The following STARD9 variants were observed in gnomAD, a reference collection of about 807,000 sequenced individuals.
The protein encoded by STARD9 is stAR-related lipid transfer protein 9.
In STARD9, 346 loss-of-function variants were observed where a neutral mutation model predicts 399.8. The ratio of observed to expected loss-of-function variants is 0.87; its 90% CI spans 0.79 to 0.95. STARD9 has a LOEUF of 0.95. STARD9 is among the 40% of genes least tolerant of loss of function. The probability of loss-of-function intolerance (pLI) is 0.00; values close to 1 mark genes in which losing one functional copy is unlikely to be tolerated. For synonymous variants in STARD9, 2,203 were observed against 2,143.5 expected (o/e 1.03, Z -0.77); for missense variants, 5,832 against 5,667.5 (o/e 1.03, Z -0.93).
At position 42,691,750 on chromosome 15, in the gene STARD9, A is replaced by T. The variant is rs964115416; in HGVS notation, c.10172A>T (p.Asp3391Val). 2 of 1,537,230 alleles carry T rather than the reference A, an allele frequency of 1.3e-6. No individual in the cohort carries two copies. The highest frequency in any genetic ancestry group is 2.7e-5 in the African/African-American group (2 of 73,138). The change falls in exon 23 of 33, where the codon GAT becomes GTT. Residue 3391 changes from aspartate to valine, a missense_variant. This residue lies in a region of STARD9 where 5,828 missense variants were observed against 5,651.1 expected (regional missense o/e 1.03). Transcript: ENST00000290607. ...DSNQKASSRL[D>V]DGTTDHRHLK... ...AATCAGAAAGCCTCATCTCGCTTGGATGATGGGACTACCGATCACAGGCAC... is the reference window on the plus strand; with the variant it reads ...AATCAGAAAGCCTCATCTCGCTTGGTTGATGGGACTACCGATCACAGGCAC...
intron 26 of STARD9, among the ~76,000 whole-genome samples, chr15:42,706,669 C>T (rs992250163): frequency 2.0e-5 from 3 of 152,080 alleles, no homozygotes; most frequent in Non-Finnish European, 4.4e-5. Flanking sequence ...AGGCTCGTCT[C>T]GAACCCCTGA....
chr15:42,699,683 G>A (rs1487656750), intron 26 of STARD9, among the ~76,000 whole-genome samples: 1 of 151,664 alleles, frequency 6.6e-6, no homozygotes, highest in African/African-American at 2.4e-5. Flanking sequence ...GTGAGCCACC[G>A]TGCCTGGCTA....
chr15:42,690,171 G>T lies in STARD9; in HGVS notation c.8593G>T (p.Ala2865Ser). 2.6e-6 allele frequency: 4 copies of T among 1,537,824 alleles called. No homozygotes were observed. Among genetic ancestry groups the T allele is most frequent in the Admixed American group, 3.9e-5 (2 of 51,008 alleles). ...TCTGCCTGGAGCTCTGACAAGGGTTGCACTGGAAGCTCCCACACAGCAGTG... is the reference window on the plus strand; with the variant it reads ...TCTGCCTGGAGCTCTGACAAGGGTTTCACTGGAAGCTCCCACACAGCAGTG... Reference protein sequence around the residue: ...TILPGALTRVALEAPTQQCVQ... With the variant: ...TILPGALTRVSLEAPTQQCVQ... The change falls in exon 23 of 33, where the codon GCA becomes TCA. Residue 2865 changes from alanine (A) to serine (S), a missense_variant. By Grantham distance (99) the Ala-to-Ser change is moderately conservative (BLOSUM62 1). Transcript: ENST00000290607.
chr15:42,712,090 T>TAAA (rs1322176052), intron 26 of STARD9, among the ~76,000 whole-genome samples: 780 of 6,120 alleles, frequency 0.13, 127 homozygotes, highest in African/African-American at 0.39. Flanking sequence ...ATTATATATA[T>TAAA]ATATATAATA....
intron 3 of STARD9, among the ~76,000 whole-genome samples, chr15:42,612,054 A>G (rs1176881349): frequency 1.3e-5 from 2 of 152,084 alleles, no homozygotes; most frequent in Non-Finnish European, 2.9e-5. Flanking sequence ...CTGCAGCCTC[A>G]ATCTCCTGGG....
rs189269120 is a variant in STARD9, at chr15:42,652,544, T to C, written c.654T>C (p.His218=). The C allele has an allele frequency of 1.3e-6, 2 of 1,537,544 alleles. No homozygotes were observed. The highest frequency in any genetic ancestry group is 4.9e-5 in the East Asian group (2 of 40,920). Reference sequence around the variant, plus strand: ...GAATCACAGCAGCCACCCATGTTCATGAGGCCAGCAGCAGATCCCACGCCA... The same window carrying C: ...GAATCACAGCAGCCACCCATGTTCACGAGGCCAGCAGCAGATCCCACGCCA... The part of the protein sequence containing the change: ...ANRITAATHV[H]EASSRSHAIF... Residue 218 remains histidine (H), a synonymous_variant, in exon 9 of 33, where the codon CAT becomes CAC. Transcript: ENST00000290607.
chr15:42,665,887 C>T lies in STARD9; in HGVS notation c.1317+39C>T, dbSNP rs546096061. 6.7e-6 allele frequency: 10 copies of T among 1,495,566 alleles called. No homozygotes were observed. The Admixed American group carries it at 2.0e-4, about 29-fold the overall frequency. The allele number at this position is 1,495,566 out of a possible 1,614,324, so 92.6% of individuals were successfully genotyped here. A position where few individuals can be genotyped will look rare whatever the true frequency, so the allele number is the denominator to read the frequency against. ...GTGGACTCAGTTGTTCTTTACATCA[C>T]CTGGGAGCTCCTCCATTATTCCGGA... is the stretch of plus-strand genomic sequence containing the variant. On this transcript the variant is annotated intron_variant, in intron 15 of 32. Transcript: ENST00000290607.
chr15:42,637,860 C>T (rs763056941), intron 4 of STARD9, 47 bp from the exon 5 acceptor site: 14 of 1,530,318 alleles, frequency 9.1e-6, no homozygotes, highest in Middle Eastern at 1.7e-4. Context: ...TGGGGGAGAG[C>T]ATCATCTTAA....
chr15:42,594,380 T>A (rs2058464696), intron 3 of STARD9, among the ~76,000 whole-genome samples: 1 of 152,218 alleles, frequency 6.6e-6, no homozygotes, highest in Non-Finnish European at 1.5e-5. Flanking sequence ...GAGGAGTTTT[T>A]TTCTGGAACA....
chr15:42,619,403 A>T (rs903477173), intron 3 of STARD9, among the ~76,000 whole-genome samples: 2 of 152,182 alleles, frequency 1.3e-5, no homozygotes, highest in Non-Finnish European at 2.9e-5. Context: ...CTCTACAAAA[A>T]ATTAAAAAAA....
chr15:42,575,758 A>G lies in STARD9; in HGVS notation c.43A>G (p.Lys15Glu), dbSNP rs938700711. The change falls in exon 1 of 33, where the codon AAG (lysine) becomes GAG (glutamate). Residue 15 changes from lysine to glutamate, a missense_variant. Transcript: ENST00000290607. The part of the protein sequence containing the change: ...QVAVRVRPLS[K>E]RETKEGGRII... ...CGCCGTGCGGGTCCGGCCGCTCAGC[A>G]AGAGGTGAGTCTCCGCGGGAGAGGG... 7 of 1,536,900 alleles carry G rather than the reference A, an allele frequency of 4.6e-6. No homozygotes were observed. The South Asian group carries it at 5.9e-5, about 13-fold the overall frequency.
rs1478093306 is a variant in STARD9 at position 42,599,077 on chromosome 15, C to T, written c.234+13440C>T. On this transcript the variant is annotated intron_variant, in intron 3 of 32. Coordinates refer to ENST00000290607, the MANE Select transcript of STARD9 (RefSeq NM_020759.3). ...TAGCTGGGATTACAGGCCCCCACCA[C>T]CATGCCTGGCTAATTTTTGTATTTT... Among the ~76,000 whole-genome samples, 3 of 152,132 alleles carry T rather than the reference C, an allele frequency of 2.0e-5. No individual in the cohort carries two copies. In the East Asian group the frequency reaches 5.8e-4, roughly 29 times the overall value.
Position 42,687,665 on chromosome 15 carries a change from CAG to C in STARD9, c.6091_6092del (p.Glu2031ThrfsTer8). On this transcript the variant is annotated frameshift_variant, in exon 23 of 33. Transcript: ENST00000290607. LOFTEE classifies it high-confidence loss of function. ...AGTCACAAGAAATGTTAAATCCCAA[CAG>C]AGAACCTTCTGGAAAGAAACAGAAT... ...CKSQEMLNPN[R>X]EPSGKKQNKR... The C allele has an allele frequency of 6.5e-7, 1 of 1,537,040 alleles. No individual in the cohort carries two copies. The highest frequency in any genetic ancestry group is 1.2e-5 in the South Asian group (1 of 84,054).
rs755141485 is a variant in STARD9 at position 42,689,918 on chromosome 15, C to G, written c.8340C>G (p.Ser2780Arg). 10 of 1,537,538 alleles carry G rather than the reference C, an allele frequency of 6.5e-6. No homozygotes were observed. The South Asian group carries it at 1.2e-4, about 18-fold the overall frequency. ...EGIPPGSQDSSPEHQEPRTLD... is the reference protein window; with the variant it reads ...EGIPPGSQDSRPEHQEPRTLD... ...TACCCCCTGGCAGTCAGGACAGCAG[C>G]CCAGAGCATCAGGAACCCAGAACTC... The change falls in exon 23 of 33, where the codon AGC (serine) becomes AGG (arginine). Residue 2780 changes from serine (S) to arginine (R), a missense_variant. Transcript: ENST00000290607.
rs538041733 is a variant in STARD9 at position 42,645,831 on chromosome 15, C to G, written c.560-5185C>G. Among the ~76,000 whole-genome samples the G allele has an allele frequency of 8.9e-4, 136 of 152,044 alleles. 1 individual carries two copies. The highest frequency in any genetic ancestry group is 3.4e-3 in the Middle Eastern group (1 of 294). On this transcript the variant is annotated intron_variant, in intron 7 of 32. Transcript: ENST00000290607. ...TTCTGGGATTACAGCTGTGAGTCAC[C>G]GCGCCCAGCCTGGCCTTAGGATTTT...
chr15:42,617,777 A>T (rs949830702), intron 3 of STARD9, among the ~76,000 whole-genome samples: 19 of 151,886 alleles, frequency 1.3e-4, no homozygotes, highest in Admixed American at 6.6e-5. Context: ...TTCTAGAGAC[A>T]GGGTCTTGCT....
At position 42,689,088 on chromosome 15, in the gene STARD9, C is replaced by G. The variant is rs1566942073; in HGVS notation, c.7510C>G (p.Pro2504Ala). The G allele has an allele frequency of 6.5e-7, 1 of 1,537,290 alleles. No individual in the cohort carries two copies. The highest frequency in any genetic ancestry group is 8.7e-7 in the Non-Finnish European group (1 of 1,146,904). ...AGAGGATAGTGACCAAGCCAGCAAG[C>G]CAAGGCAGAAGGCAGAGAAGGAGAC... ...LEEDSDQASK[P>A]RQKAEKETED... Residue 2504 changes from proline to alanine, a missense_variant, in exon 23 of 33, where the codon CCA (proline) becomes GCA (alanine). Pro to Ala is a conservative substitution (Grantham distance 27). Around this residue, in one of 2 missense-constraint regions of STARD9, gnomAD observed 5,828 missense variants for 5,651.1 expected, o/e 1.03. Transcript: ENST00000290607.
In STARD9 at chr15:42,693,478, C is replaced by G; in HGVS notation, c.11900C>G (p.Ser3967Cys). The stretch of plus-strand genomic sequence containing the variant: ...GGTGGCTCCCAGAGAGGTAGAAGTT[C>G]CTTACAAAGGAGTAATGGGAGATCC... ...ELGGSQRGRS[S>C]LQRSNGRSFL... The change falls in exon 23 of 33, where the codon TCC becomes TGC. Residue 3967 changes from serine (S) to cysteine (C), a missense_variant. Coordinates refer to ENST00000290607, the MANE Select transcript of STARD9 (RefSeq NM_020759.3). 6.5e-7 allele frequency: 1 copy of G among 1,537,268 alleles called. No homozygotes were observed. The highest frequency in any genetic ancestry group is 8.7e-7 in the Non-Finnish European group (1 of 1,146,916).
Position 42,694,170 on chromosome 15 carries a change from C to A in STARD9, c.12592C>A (p.Pro4198Thr). The A allele has an allele frequency of 1.3e-6, 2 of 1,535,178 alleles. No individual in the cohort carries two copies. Among genetic ancestry groups the A allele is most frequent in the Non-Finnish European group, 1.7e-6 (2 of 1,146,006 alleles). The change falls in exon 23 of 33, where the codon CCC becomes ACC. Residue 4198 changes from proline (P) to threonine (T), a missense_variant. Coordinates refer to ENST00000290607, the MANE Select transcript of STARD9 (RefSeq NM_020759.3). The stretch of plus-strand genomic sequence containing the variant: ...TGAGTGGTCCAAGAGGGAGCAGATC[C>A]CCCTGCAAGTTGGGGCCCAGAACCT... ...DSEWSKREQI[P>T]LQVGAQNLSL...
Sources: gnomAD v4.1 joint callset for allele counts (sites outside exome capture counted in the v4.1 genomes callset) on GRCh38, gnomAD v4.1.1 for gene constraint, gnomAD v4.1.1 regional missense constraint, MANE v1.5 for transcripts, NCBI Gene and HGNC (gene_info 2026-07-23, HGNC 2026-07-21) for gene names.